RNF152: variants seen among roughly 807,000 people sequenced by gnomAD.
The protein encoded by RNF152 is ring finger protein 152.
In RNF152, 11 loss-of-function variants were observed where a neutral mutation model predicts 12.7. The observed-to-expected ratio is 0.86, with a 90% confidence interval of 0.54 to 1.43. The LOEUF (loss-of-function observed/expected upper bound fraction) is 1.43, where lower values mean the gene tolerates loss of function less well. Ranked by LOEUF, RNF152 falls within the 40% of genes most tolerant of loss-of-function variation. RNF152 has a pLI of 0.00. For missense variants in RNF152, 255 were observed against 274.8 expected (o/e 0.93, Z 0.51); for synonymous variants, 113 against 120.3 (o/e 0.94, Z 0.40).
At chr18:61,830,156 G>T (rs1477268767) in intron 1 of RNF152, among the ~76,000 whole-genome samples, 1 of 151,750 alleles carries the variant, frequency 6.6e-6, no homozygotes, top group African/African-American at 2.4e-5. Context: ...CGGGTAGCTG[G>T]GACTACAGGC....
At chr18:61,826,765 C>A (rs1334922711) in intron 1 of RNF152, among the ~76,000 whole-genome samples, 5 of 152,202 alleles carry the variant, frequency 3.3e-5, no homozygotes, top group Admixed American at 3.3e-4. Flanking sequence ...TCTGGAGACA[C>A]CTACCTCGAA....
At chr18:61,887,997 C>T (rs1024317631) in intron 1 of RNF152, 4 of 152,214 alleles carry the variant, frequency 2.6e-5, no homozygotes, top group Admixed American at 6.5e-5. Flanking sequence ...ATTTGCTCAG[C>T]CCCTCCTTTG....
rs1444965530 is a variant in RNF152 at position 61,808,842 on chromosome 18, A to T, written c.*7010T>A. 4 of 152,188 alleles carry T rather than the reference A, an allele frequency of 2.6e-5. No homozygotes were observed. The highest frequency in any genetic ancestry group is 9.7e-5 in the African/African-American group (4 of 41,422). The allele number at this position is 152,188 out of a possible 1,614,324, so 9.4% of individuals were successfully genotyped here. On this transcript the variant is annotated 3_prime_UTR_variant, in exon 2 of 2. Transcript: ENST00000312828. Reference sequence around the variant, plus strand: ...TCTGTCTGCACTGACGTGGCAACCAACTCTAGAGCGGACTCTGAAATTGCC... The same window carrying T: ...TCTGTCTGCACTGACGTGGCAACCATCTCTAGAGCGGACTCTGAAATTGCC...
At chr18:61,858,160 T>A (rs1911310457) in intron 1 of RNF152, among the ~76,000 whole-genome samples, 1 of 152,210 alleles carries the variant, frequency 6.6e-6, no homozygotes, top group Non-Finnish European at 1.5e-5. Context: ...TAGTTTGGTA[T>A]AACTCTCTGG....
At chr18:61,856,294 G>C (rs1478594494) in intron 1 of RNF152, among the ~76,000 whole-genome samples, 1 of 152,140 alleles carries the variant, frequency 6.6e-6, no homozygotes, top group African/African-American at 2.4e-5. Context: ...AAATGACACG[G>C]GGAAATACAC....
chr18:61,844,624 GA>G lies in RNF152; in HGVS notation c.-135-28027del, dbSNP rs527297625. On this transcript the variant is annotated intron_variant, in intron 1 of 1. Transcript: ENST00000312828. ...TATCTAAAAGCTAAGCTTCCTTTTT[GA>G]AATCACTAGCACAAACAGGCCAACA... Among the ~76,000 whole-genome samples, 476 of 152,144 alleles carry G rather than the reference GA, an allele frequency of 3.1e-3. 3 individuals carry two copies. Among genetic ancestry groups the G allele is most frequent in the African/African-American group, 0.011 (444 of 41,510 alleles).
At chr18:61,884,751 G>T (rs1279818690) in intron 1 of RNF152, among the ~76,000 whole-genome samples, 3 of 152,142 alleles carry the variant, frequency 2.0e-5, no homozygotes, top group African/African-American at 7.2e-5. Context: ...TAGAGACGGG[G>T]TTTCTCCATG....
At chr18:61,879,576 C>T (rs1306301656) in intron 1 of RNF152, among the ~76,000 whole-genome samples, 2 of 152,064 alleles carry the variant, frequency 1.3e-5, no homozygotes, top group Non-Finnish European at 2.9e-5. Context: ...AAGGGAACTA[C>T]ACAAAGGAAT....
rs568421110 is a variant in RNF152, at chr18:61,816,471, C to A, written c.-8G>T. 37 of 1,588,078 alleles carry A rather than the reference C, an allele frequency of 2.3e-5. No individual in the cohort carries two copies. Among genetic ancestry groups the A allele is most frequent in the Non-Finnish European group, 3.2e-5 (37 of 1,162,318 alleles). On this transcript the variant is annotated 5_prime_UTR_variant, in exon 2 of 2. Transcript: ENST00000312828. ...CTGGGACAGCGTCTCCATGGTGGAC[C>A]GTGAGCAGGAAGGGCAAGGCCAAGG...
chr18:61,888,529 A>C (rs1912801532), intron 1 of RNF152: 1 of 152,246 alleles, frequency 6.6e-6, no homozygotes, highest in South Asian at 2.1e-4. Context: ...GCTTTAATAC[A>C]AAATAGGCTT....
At chr18:61,885,031 A>T (rs955229506) in intron 1 of RNF152, among the ~76,000 whole-genome samples, 2 of 152,206 alleles carry the variant, frequency 1.3e-5, no homozygotes, top group Non-Finnish European at 2.9e-5. Context: ...TATTTATCCC[A>T]GTTAAGGACA....
intron 1 of RNF152, among the ~76,000 whole-genome samples, chr18:61,829,659 A>T (rs990862499): frequency 6.6e-6 from 1 of 151,584 alleles, no homozygotes; most frequent in Non-Finnish European, 1.5e-5. Context: ...GAGGACCAGG[A>T]GGTGAGGGGA....
intron 1 of RNF152, among the ~76,000 whole-genome samples, chr18:61,871,164 G>A (rs1041427578): frequency 6.6e-6 from 1 of 151,854 alleles, no homozygotes; most frequent in African/African-American, 2.4e-5. Context: ...GTTTAGGAAA[G>A]GACTCACAGA....
At chr18:61,825,478 G>A (rs924671053) in intron 1 of RNF152, among the ~76,000 whole-genome samples, 6 of 152,184 alleles carry the variant, frequency 3.9e-5, no homozygotes, top group Non-Finnish European at 7.3e-5. Context: ...AAAACTCAGG[G>A]GAAGGACAGT....
chr18:61,890,004 A>G (rs916490406), intron 1 of RNF152, among the ~76,000 whole-genome samples: 1 of 152,242 alleles, frequency 6.6e-6, no homozygotes, highest in African/African-American at 2.4e-5. Flanking sequence ...AGAGGATTAT[A>G]ATTATTTTAT....
intron 1 of RNF152, among the ~76,000 whole-genome samples, chr18:61,884,323 A>C (rs542615633): frequency 6.6e-6 from 1 of 152,260 alleles, no homozygotes; most frequent in South Asian, 2.1e-4. Context: ...TTAAAATTCC[A>C]GTTCATAATG....
chr18:61,821,059 T>C (rs1219726470), intron 1 of RNF152, among the ~76,000 whole-genome samples: 1 of 152,248 alleles, frequency 6.6e-6, no homozygotes, highest in East Asian at 1.9e-4. Context: ...TGCTCTGCAC[T>C]GAGGCACATA....
chr18:61,861,435 A>C (rs999237954), intron 1 of RNF152, among the ~76,000 whole-genome samples: 1 of 152,224 alleles, frequency 6.6e-6, no homozygotes, highest in Non-Finnish European at 1.5e-5. Flanking sequence ...TGTATAGCCT[A>C]TATGTGTACT....
chr18:61,881,767 G>A (rs1912473439), intron 1 of RNF152, among the ~76,000 whole-genome samples: 2 of 152,008 alleles, frequency 1.3e-5, no homozygotes, highest in Non-Finnish European at 2.9e-5. Context: ...ACAAAGAGAG[G>A]GTTTAGCATC....
Sources: allele counts gnomAD v4.1 joint callset (sites outside exome capture counted in the v4.1 genomes callset), GRCh38; gene constraint gnomAD v4.1.1; transcripts MANE v1.5; gene names NCBI Gene and HGNC (gene_info 2026-07-23, HGNC 2026-07-21).